The following ZDHHC14 variants were observed in gnomAD, a reference collection of about 807,000 sequenced individuals.
ZDHHC14 encodes the protein palmitoyltransferase ZDHHC14.
A neutral mutation model predicts 47.7 loss-of-function variants in ZDHHC14; 16 were observed. The observed-to-expected ratio is 0.34, with a 90% CI of 0.23 to 0.51. The LOEUF is 0.51. ZDHHC14 is among the 20% of genes least tolerant of loss of function. The pLI is 0.97. For synonymous variants in ZDHHC14, 293 were observed against 278.9 expected (o/e 1.05, Z -0.50); for missense variants, 515 against 662.5 (o/e 0.78, Z 2.44).
chr6:157,534,523 C>A (rs1781471925), intron 1 of ZDHHC14, among the ~76,000 whole-genome samples: 1 of 151,578 alleles, frequency 6.6e-6, no homozygotes, highest in African/African-American at 2.4e-5. Flanking sequence ...CCTCTGGCTT[C>A]CTGGAATTCT....
chr6:157,449,365 C>T (rs1288752610), intron 1 of ZDHHC14, among the ~76,000 whole-genome samples: 2 of 152,054 alleles, frequency 1.3e-5, no homozygotes, highest in African/African-American at 4.8e-5. Context: ...TGCTTTTAAG[C>T]CCACTTTTAA....
chr6:157,496,310 G>C (rs1345040464), intron 1 of ZDHHC14, among the ~76,000 whole-genome samples: 1 of 152,072 alleles, frequency 6.6e-6, no homozygotes, highest in East Asian at 1.9e-4. Flanking sequence ...GTGGCCTGTT[G>C]GGTATGGGGG....
intron 6 of ZDHHC14, among the ~76,000 whole-genome samples, chr6:157,646,793 C>A (rs1033371250): frequency 6.6e-6 from 1 of 152,130 alleles, no homozygotes; most frequent in African/African-American, 2.4e-5. Context: ...TGATAAGACA[C>A]ATGAGATAAG....
intron 3 of ZDHHC14, among the ~76,000 whole-genome samples, chr6:157,621,352 C>A (rs889700273): frequency 6.6e-6 from 1 of 151,692 alleles, no homozygotes; most frequent in Non-Finnish European, 1.5e-5. Context: ...TAAAAAAGCC[C>A]TACGTTTAAA....
chr6:157,612,541 A>T (rs758121239), intron 3 of ZDHHC14, among the ~76,000 whole-genome samples: 1 of 152,316 alleles, frequency 6.6e-6, no homozygotes, highest in Non-Finnish European at 1.5e-5. Flanking sequence ...CTGCCACTGC[A>T]CACACTTCCC....
chr6:157,445,448 G>C (rs982029441), intron 1 of ZDHHC14, among the ~76,000 whole-genome samples: 21 of 152,182 alleles, frequency 1.4e-4, no homozygotes, highest in African/African-American at 4.8e-4. Context: ...ATGTCATGCA[G>C]TTAGTTGTCT....
chr6:157,648,766 T>C (rs1469189282), intron 7 of ZDHHC14, among the ~76,000 whole-genome samples: 1 of 152,226 alleles, frequency 6.6e-6, no homozygotes, highest in African/African-American at 2.4e-5. Flanking sequence ...GGGAGCTCTT[T>C]AAGCAGAAAG....
intron 1 of ZDHHC14, among the ~76,000 whole-genome samples, chr6:157,466,453 G>T (rs1362401430): frequency 1.3e-5 from 2 of 152,230 alleles, no homozygotes; most frequent in African/African-American, 4.8e-5. Context: ...TGTTGACTCA[G>T]CAGTAAATGC....
intron 3 of ZDHHC14, among the ~76,000 whole-genome samples, chr6:157,600,824 A>G (rs183309115): frequency 8.3e-4 from 122 of 147,060 alleles, no homozygotes; most frequent in Non-Finnish European, 1.4e-3. Flanking sequence ...TCCAATGGTT[A>G]TGTCACGTTG....
At chr6:157,581,794 T>C (rs1783529551) in intron 2 of ZDHHC14, among the ~76,000 whole-genome samples, 1 of 152,196 alleles carries the variant, frequency 6.6e-6, no homozygotes, top group African/African-American at 2.4e-5. Flanking sequence ...CATCACTTCA[T>C]TTTGAGCCTA....
intron 1 of ZDHHC14, among the ~76,000 whole-genome samples, chr6:157,412,161 A>G (rs1353613307): frequency 6.6e-6 from 1 of 151,556 alleles, no homozygotes; most frequent in Admixed American, 6.6e-5. Context: ...CTGGTCTCGA[A>G]CTCCTGACCT....
At chr6:157,504,034 T>G (rs1032005244) in intron 1 of ZDHHC14, among the ~76,000 whole-genome samples, 1 of 152,162 alleles carries the variant, frequency 6.6e-6, no homozygotes, top group East Asian at 1.9e-4. Flanking sequence ...TTGTTCATGA[T>G]GATAACTGTT....
At chr6:157,387,243 CAG>C (rs1777330824) in intron 1 of ZDHHC14, among the ~76,000 whole-genome samples, 1 of 150,082 alleles carries the variant, frequency 6.7e-6, no homozygotes, top group Non-Finnish European at 1.5e-5. Context: ...AAAAAAAAAA[CAG>C]TGAATAATTG....
At chr6:157,438,879 A>G (rs1478849538) in intron 1 of ZDHHC14, among the ~76,000 whole-genome samples, 1 of 152,230 alleles carries the variant, frequency 6.6e-6, no homozygotes, top group East Asian at 1.9e-4. Context: ...AAAGCTGTGG[A>G]CAAATATATT....
intron 7 of ZDHHC14, among the ~76,000 whole-genome samples, chr6:157,651,395 C>T (rs1385950844): frequency 2.6e-5 from 4 of 152,208 alleles, no homozygotes; most frequent in African/African-American, 7.2e-5. Flanking sequence ...ACCTCTTTCT[C>T]TTCTTATAAG....
chr6:157,574,635 A>C (rs1783231651), intron 2 of ZDHHC14, among the ~76,000 whole-genome samples: 1 of 152,076 alleles, frequency 6.6e-6, no homozygotes, highest in South Asian at 2.1e-4. Context: ...TCCAAGACTC[A>C]CCCTGGTCAC....
intron 1 of ZDHHC14, among the ~76,000 whole-genome samples, chr6:157,478,440 T>A (rs1254606863): frequency 6.6e-6 from 1 of 152,228 alleles, no homozygotes; most frequent in African/African-American, 2.4e-5. Context: ...TTTTATAATT[T>A]ATTTTTTTAA....
intron 1 of ZDHHC14, among the ~76,000 whole-genome samples, chr6:157,421,411 T>C (rs1254035518): frequency 7.4e-6 from 1 of 135,366 alleles, no homozygotes; most frequent in Non-Finnish European, 1.5e-5. Flanking sequence ...GACAATGGCA[T>C]GAACCCGGGA....
chr6:157,536,389 T>C (rs1220679255), intron 1 of ZDHHC14, among the ~76,000 whole-genome samples: 1 of 152,252 alleles, frequency 6.6e-6, no homozygotes, highest in Non-Finnish European at 1.5e-5. Flanking sequence ...TGTGTATCCA[T>C]TTATAGACAA....
Sources: allele counts gnomAD v4.1 joint callset (sites outside exome capture counted in the v4.1 genomes callset), GRCh38; gene constraint gnomAD v4.1.1; transcripts MANE v1.5; gene names NCBI Gene and HGNC (gene_info 2026-07-23, HGNC 2026-07-21).